The following SYCP2L variants were observed in gnomAD, a reference collection of about 807,000 sequenced individuals.
SYCP2L encodes synaptonemal complex protein 2-like.
A neutral mutation model predicts 125.8 loss-of-function variants in SYCP2L; 98 were observed. The observed-to-expected ratio is 0.78, with a 90% CI of 0.66 to 0.92. The LOEUF is 0.92. Ranked by LOEUF, SYCP2L falls within the 40% of genes least tolerant of loss-of-function variation. The pLI is 0.00. For synonymous variants in SYCP2L, 317 were observed against 325.4 expected, an observed-to-expected ratio of 0.97 and a Z score of 0.28; for missense variants, 842 against 936.4, an observed-to-expected ratio of 0.90 and a Z score of 1.32.
At position 10,912,905 on chromosome 6, in the gene SYCP2L, G is replaced by A. The variant is rs776933918; in HGVS notation, c.1050G>A (p.Ala350=). The A allele has an allele frequency of 1.5e-5, 24 of 1,613,756 alleles. No homozygotes were observed. The highest frequency in any genetic ancestry group is 1.7e-5 in the Non-Finnish European group (20 of 1,179,984). The part of the protein sequence containing the change: ...LWDSVTLPKE[A]VMNFSITETE... ...ACTCAGTGACACTTCCGAAGGAAGC[G>A]GTGATGAATTTCAGCATAACAGGTA... The change falls in exon 14 of 30, where the codon GCG becomes GCA. Residue 350 remains alanine, a synonymous_variant. Transcript: ENST00000283141. The surrounding 1 kb of genome is among the most constrained non-coding windows in gnomAD (Gnocchi z 4.1).
chr6:10,891,111 C>G (rs951075172), intron 1 of SYCP2L, among the ~76,000 whole-genome samples: 1 of 152,148 alleles, frequency 6.6e-6, no homozygotes, highest in Admixed American at 6.5e-5. Context: ...AAGTCAGGTA[C>G]TATGATGCCT....
intron 14 of SYCP2L, among the ~76,000 whole-genome samples, chr6:10,918,209 A>G (rs1345650537): frequency 2.6e-5 from 4 of 151,814 alleles, no homozygotes; most frequent in Admixed American, 2.6e-4. Flanking sequence ...AAAAAAAAAA[A>G]AAAAAGAAAA....
chr6:10,969,281 T>G (rs1285972802), intron 29 of SYCP2L, among the ~76,000 whole-genome samples: 1 of 152,120 alleles, frequency 6.6e-6, no homozygotes, highest in African/African-American at 2.4e-5. Flanking sequence ...AGTAGGTGAT[T>G]TTTTTAAAAA....
chr6:10,967,009 A>G (rs1338510818), intron 29 of SYCP2L, among the ~76,000 whole-genome samples: 1 of 152,164 alleles, frequency 6.6e-6, no homozygotes, highest in Admixed American at 6.5e-5. Context: ...CCAATGTAGA[A>G]ATAACCAATT....
chr6:10,916,556 A>C (rs530285180), intron 14 of SYCP2L, among the ~76,000 whole-genome samples: 4 of 152,212 alleles, frequency 2.6e-5, no homozygotes, highest in African/African-American at 4.8e-5. Context: ...TTAAATTTCC[A>C]TCTTGATTTC....
chr6:10,951,189 C>T (rs112207529), intron 23 of SYCP2L, among the ~76,000 whole-genome samples: 10,819 of 151,934 alleles, frequency 0.071, 618 homozygotes, highest in African/African-American at 0.16. Flanking sequence ...TTTGGGAGGC[C>T]AAGGCAGGAA....
At position 10,961,390 on chromosome 6, in the gene SYCP2L, G is replaced by C; in HGVS notation, c.2341G>C (p.Glu781Gln). ...GGATATTCAGGCCCTGGAACACCTT[G>C]AGAAGGAGGTTCTGGTAAGTTCTTT... ...KQDIQALEHLEKEVLEFWGKQ... is the reference protein window; with the variant it reads ...KQDIQALEHLQKEVLEFWGKQ... The change falls in exon 27 of 30, where the codon GAG (glutamate) becomes CAG (glutamine). Residue 781 changes from glutamate (E) to glutamine (Q), a missense_variant. Coordinates refer to ENST00000283141, the MANE Select transcript of SYCP2L (RefSeq NM_001040274.3). The C allele has an allele frequency of 6.2e-7, 1 of 1,614,152 alleles. No homozygotes were observed. The highest frequency in any genetic ancestry group is 8.5e-7 in the Non-Finnish European group (1 of 1,179,996).
intron 29 of SYCP2L, among the ~76,000 whole-genome samples, chr6:10,969,927 C>G (rs1781743795): frequency 6.6e-6 from 1 of 152,140 alleles, no homozygotes; most frequent in South Asian, 2.1e-4. Context: ...GAGTATGTGC[C>G]TGCTCATTAC....
chr6:10,902,612 G>A (rs756891148), intron 6 of SYCP2L, 65 bp from the exon 7 acceptor site: 25 of 1,348,206 alleles, frequency 1.9e-5, no homozygotes, highest in Admixed American at 7.3e-5. Context: ...AGCTCTGACC[G>A]TGTGTAGGAG....
chr6:10,949,867 C>G (rs1384401373), intron 23 of SYCP2L, among the ~76,000 whole-genome samples: 1 of 151,818 alleles, frequency 6.6e-6, no homozygotes, highest in Admixed American at 6.6e-5. Context: ...ATCCATTGTG[C>G]TTCCATTGAT....
chr6:10,910,109 A>AT lies in SYCP2L; in HGVS notation c.820-30dup, dbSNP rs201884159. On this transcript the variant is annotated intron_variant, in intron 10 of 29. Transcript: ENST00000283141. ...AGGTAGTATTAACTAAGACATCTTGATTTTTTTTTAATAAAAGTTTATATC... is the reference window on the plus strand; with the variant it reads ...AGGTAGTATTAACTAAGACATCTTGATTTTTTTTTTAATAAAAGTTTATATC... 1.7e-3 allele frequency: 2,589 copies of AT among 1,555,058 alleles called. 14 individuals are homozygous for AT. The African/African-American group carries it at 0.021, about 12-fold the overall frequency.
chr6:10,926,401 G>T lies in SYCP2L; in HGVS notation c.1281G>T (p.Arg427Ser). 6.2e-7 allele frequency: 1 copy of T among 1,613,806 alleles called. No homozygotes were observed. The highest frequency in any genetic ancestry group is 8.5e-7 in the Non-Finnish European group (1 of 1,179,814). Residue 427 changes from arginine (R) to serine (S), a missense_variant, in exon 16 of 30, where the codon AGG becomes AGT. Transcript: ENST00000283141. ...ELFSKSDKED[R>S]ESPSGLERET... ...TTAGTAAGTCTGATAAAGAAGACAG[G>T]GAGAGTCCCAGTGGCCTTGAAAGAG...
At chr6:10,920,439 A>T (rs934022371) in intron 14 of SYCP2L, among the ~76,000 whole-genome samples, 5 of 152,006 alleles carry the variant, frequency 3.3e-5, no homozygotes, top group Admixed American at 6.6e-5. Context: ...CTGGTCTCGA[A>T]CTCCTGACCT....
chr6:10,896,565 C>T (rs1296403376), intron 4 of SYCP2L, among the ~76,000 whole-genome samples: 2 of 151,988 alleles, frequency 1.3e-5, no homozygotes, highest in African/African-American at 2.4e-5. Flanking sequence ...AGTTCTGCTG[C>T]GTAGAGGGAC....
chr6:10,962,643 TAAC>T (rs995918681), intron 28 of SYCP2L, among the ~76,000 whole-genome samples: 7 of 98,990 alleles, frequency 7.1e-5, no homozygotes, highest in Middle Eastern at 5.7e-3. Context: ...TATTTTAAAA[TAAC>T]AACAATAAAC....
At chr6:10,907,807 C>T in intron 10 of SYCP2L, 123 bp downstream of exon 10, 1 of 858,502 alleles carries the variant, frequency 1.2e-6, no homozygotes, top group South Asian at 1.9e-5. Flanking sequence ...CACTGCCATT[C>T]TTGAACTTGT....
chr6:10,958,990 A>G (rs1199481505), intron 26 of SYCP2L, 115 bp downstream of exon 26: 12 of 821,014 alleles, frequency 1.5e-5, no homozygotes, highest in Admixed American at 2.6e-5. Context: ...AGATGTGAGG[A>G]TTGATACATC....
intron 2 of SYCP2L, among the ~76,000 whole-genome samples, chr6:10,891,974 A>C (rs533070269): frequency 2.9e-4 from 44 of 152,358 alleles, no homozygotes; most frequent in Non-Finnish European, 5.6e-4. Flanking sequence ...AGAAGCAGGA[A>C]GAAAAAGAAC....
chr6:10,956,502 A>G (rs1047823635), intron 25 of SYCP2L, among the ~76,000 whole-genome samples: 5 of 152,246 alleles, frequency 3.3e-5, no homozygotes, highest in African/African-American at 1.2e-4. Context: ...GACTATAGTT[A>G]GTAATAATGT....
Sources: gnomAD v4.1 joint callset for allele counts (sites outside exome capture counted in the v4.1 genomes callset) on GRCh38, gnomAD v4.1.1 for gene constraint, Gnocchi (gnomAD v3.1) non-coding constraint, MANE v1.5 for transcripts, NCBI Gene and HGNC (gene_info 2026-07-23, HGNC 2026-07-21) for gene names.